The following EBF1 variants were observed in gnomAD, a reference collection of about 807,000 sequenced individuals.
EBF1 encodes transcription factor COE1.
EBF1 carries 10 observed loss-of-function variants against 68.4 expected under a neutral mutation model. The observed-to-expected ratio is 0.15, with a 90% CI of 0.09 to 0.25. The LOEUF (loss-of-function observed/expected upper bound fraction) is 0.25, where lower values mean the gene tolerates loss of function less well. Ranked by LOEUF, EBF1 falls within the 10% of genes least tolerant of loss-of-function variation. The pLI is 1.00. For synonymous variants in EBF1, 298 were observed against 299.8 expected, an observed-to-expected ratio of 0.99 and a Z score of 0.06; for missense variants, 509 against 794.4, an observed-to-expected ratio of 0.64 and a Z score of 4.32.
chr5:159,040,277 A>G (rs1770924036), intron 6 of EBF1, among the ~76,000 whole-genome samples: 1 of 152,144 alleles, frequency 6.6e-6, no homozygotes, highest in East Asian at 1.9e-4. Flanking sequence ...GCGCTTAAAT[A>G]TTTAATAAAT....
At chr5:158,777,272 A>G in intron 10 of EBF1, 141 bp downstream of exon 10, 5 of 998,050 alleles carry the variant, frequency 5.0e-6, no homozygotes, top group Non-Finnish European at 6.8e-6. Context: ...ATGTTTGGTC[A>G]TACATATGGT....
intron 6 of EBF1, among the ~76,000 whole-genome samples, chr5:159,050,523 C>T (rs893775275): frequency 1.3e-5 from 2 of 152,198 alleles, no homozygotes; most frequent in Admixed American, 6.5e-5. Context: ...AGTGACTTGG[C>T]CTTCAGAAGC....
intron 15 of EBF1, among the ~76,000 whole-genome samples, chr5:158,704,729 G>A (rs895023645): frequency 8.6e-5 from 13 of 151,836 alleles, no homozygotes; most frequent in Admixed American, 7.9e-4. Context: ...TCAAGCAAGA[G>A]TGCCCTGAAA....
At chr5:159,073,536 C>T (rs1017095242) in intron 5 of EBF1, 72 bp from the exon 6 acceptor site, 30 of 1,545,688 alleles carry the variant, frequency 1.9e-5, no homozygotes, top group African/African-American at 2.7e-5. Context: ...AGACAGAAGG[C>T]TCAAATTGCT....
At position 159,038,708 on chromosome 5, in the gene EBF1, G is replaced by T. The variant is rs1770591367; in HGVS notation, c.554+34688C>A. On this transcript the variant is annotated intron_variant, in intron 6 of 15. Transcript: ENST00000313708. ...ATATTTGCGCTGTTTTGGGCTGCCTGACCTATTAGCAAGACTATCAACAAC... is the reference window on the plus strand; with the variant it reads ...ATATTTGCGCTGTTTTGGGCTGCCTTACCTATTAGCAAGACTATCAACAAC... 1.3e-5 allele frequency among the ~76,000 whole-genome samples: 2 copies of T among 152,264 alleles called. 1 individual carries two copies. Among genetic ancestry groups the T allele is most frequent in the East Asian group, 3.9e-4 (2 of 5,172 alleles).
chr5:158,954,641 C>A (rs531037759), intron 6 of EBF1, among the ~76,000 whole-genome samples: 29 of 152,314 alleles, frequency 1.9e-4, no homozygotes, highest in Admixed American at 1.6e-3. Flanking sequence ...TTTCTGTCAA[C>A]CTAATGGAGT....
intron 7 of EBF1, among the ~76,000 whole-genome samples, chr5:158,831,357 A>T (rs1281584110): frequency 6.6e-6 from 1 of 152,172 alleles, no homozygotes; most frequent in African/African-American, 2.4e-5. Context: ...ATCTTAGATG[A>T]GTCACTTAGT....
At chr5:158,993,843 G>T (rs1760850634) in intron 6 of EBF1, among the ~76,000 whole-genome samples, 1 of 152,114 alleles carries the variant, frequency 6.6e-6, no homozygotes, top group South Asian at 2.1e-4. Flanking sequence ...CAGACCTAAA[G>T]GATTAAACAG....
rs117746831 is a variant in EBF1, at chr5:158,959,129, C to A, written c.554+114267G>T. ...CTTGGAAAATAACTTTCTTAAAGAA[C>A]CCCTGAACCATTAACATATCTGAGG... On this transcript the variant is annotated intron_variant, in intron 6 of 15. Coordinates refer to ENST00000313708, the MANE Select transcript of EBF1 (RefSeq NM_024007.5). 4.1e-3 allele frequency among the ~76,000 whole-genome samples: 618 copies of A among 152,118 alleles called. 11 individuals carry two copies. The highest frequency in any genetic ancestry group is 0.034 in the East Asian group (174 of 5,190).
chr5:158,708,874 G>A (rs180709149), intron 14 of EBF1, among the ~76,000 whole-genome samples: 2 of 152,196 alleles, frequency 1.3e-5, no homozygotes, highest in Non-Finnish European at 2.9e-5. Flanking sequence ...GAATGTTTGG[G>A]AATTAATAAG....
chr5:158,953,138 G>T (rs1217511811), intron 6 of EBF1, among the ~76,000 whole-genome samples: 1 of 152,152 alleles, frequency 6.6e-6, no homozygotes, highest in African/African-American at 2.4e-5. Flanking sequence ...TCTGGGATCA[G>T]TTGACTTATC....
At chr5:158,763,353 G>A (rs1332027552) in intron 10 of EBF1, among the ~76,000 whole-genome samples, 2 of 152,168 alleles carry the variant, frequency 1.3e-5, no homozygotes, top group African/African-American at 2.4e-5. Context: ...CCAACAATGT[G>A]CTGGTGTCTG....
intron 11 of EBF1, among the ~76,000 whole-genome samples, chr5:158,727,181 T>G (rs1443210784): frequency 6.6e-6 from 1 of 152,224 alleles, no homozygotes; most frequent in African/African-American, 2.4e-5. Flanking sequence ...AATGCAGTGC[T>G]GGGCTCACAG....
intron 6 of EBF1, chr5:158,983,684 G>C (rs546141827): frequency 5.9e-5 from 9 of 152,256 alleles, no homozygotes; most frequent in African/African-American, 2.2e-4. Flanking sequence ...AAAAATCAAA[G>C]GGAATATGAA....
At chr5:158,928,034 A>G (rs889052452) in intron 6 of EBF1, among the ~76,000 whole-genome samples, 4 of 152,228 alleles carry the variant, frequency 2.6e-5, no homozygotes, top group African/African-American at 7.2e-5. Context: ...AACCATTTAA[A>G]CATTTATGGA....
At chr5:159,040,935 T>C (rs1771078010) in intron 6 of EBF1, among the ~76,000 whole-genome samples, 1 of 152,222 alleles carries the variant, frequency 6.6e-6, no homozygotes, top group African/African-American at 2.4e-5. Context: ...TTTATGCTTT[T>C]AGACAGGTGG....
chr5:158,900,778 G>A (rs17709247), intron 6 of EBF1, among the ~76,000 whole-genome samples: 19,477 of 152,192 alleles, frequency 0.13, 1,334 homozygotes, highest in African/African-American at 0.14. Flanking sequence ...AATCCTTACC[G>A]CATTCCAAAT....
At chr5:159,007,415 T>C (rs1005036517) in intron 6 of EBF1, among the ~76,000 whole-genome samples, 4 of 152,208 alleles carry the variant, frequency 2.6e-5, no homozygotes, top group African/African-American at 9.7e-5. Context: ...TGGATGACTG[T>C]TTATATGTTA....
chr5:158,895,359 C>T (rs1801967832), intron 6 of EBF1, among the ~76,000 whole-genome samples: 1 of 152,022 alleles, frequency 6.6e-6, no homozygotes, highest in Admixed American at 6.6e-5. Flanking sequence ...GGCCCTGTCT[C>T]AAAATAAAAT....
Sources: allele counts gnomAD v4.1 joint callset (sites outside exome capture counted in the v4.1 genomes callset), GRCh38; gene constraint gnomAD v4.1.1; transcripts MANE v1.5; gene names NCBI Gene and HGNC (gene_info 2026-07-23, HGNC 2026-07-21).